MYO1D: variants seen among roughly 807,000 people sequenced by gnomAD.
MYO1D encodes the protein myosin ID, also known as unconventional myosin-Id.
MYO1D carries 83 observed loss-of-function variants against 122.0 expected under a neutral mutation model. The ratio of observed to expected loss-of-function variants is 0.68; its 90% CI spans 0.57 to 0.82. The LOEUF (loss-of-function observed/expected upper bound fraction) is 0.82, where lower values mean the gene tolerates loss of function less well. Among genes scored for constraint, MYO1D ranks in the 40% least tolerant of loss-of-function variants. MYO1D has a pLI of 0.00. For missense variants in MYO1D, 1,157 were observed against 1,269.5 expected (o/e 0.91, Z 1.35); for synonymous variants, 464 against 446.9 (o/e 1.04, Z -0.48).
At chr17:32,552,090 C>T (rs562171913) in intron 21 of MYO1D, among the ~76,000 whole-genome samples, 78 of 152,188 alleles carry the variant, frequency 5.1e-4, no homozygotes, top group African/African-American at 1.8e-3. Flanking sequence ...TGTTTTGTTT[C>T]GTTTGGACAG....
chr17:32,678,593 A>C (rs959707243), intron 16 of MYO1D, among the ~76,000 whole-genome samples: 8 of 151,324 alleles, frequency 5.3e-5, no homozygotes, highest in Non-Finnish European at 1.2e-4. Flanking sequence ...TGAACTCATC[A>C]TTTTTTATGG....
At chr17:32,686,386 A>G (rs1169048784) in intron 16 of MYO1D, 1 of 152,206 alleles carries the variant, frequency 6.6e-6, no homozygotes, top group African/African-American at 2.4e-5. Flanking sequence ...TTTGGAAGAA[A>G]TGTGGTCCTG....
At chr17:32,711,652 GA>G (rs112201977) in intron 16 of MYO1D, among the ~76,000 whole-genome samples, 117 of 151,454 alleles carry the variant, frequency 7.7e-4, no homozygotes, top group East Asian at 3.1e-3. Context: ...TCTCGGGGGG[GA>G]AAAAAAAAGT....
At chr17:32,550,700 GA>G (rs2087006457) in intron 21 of MYO1D, among the ~76,000 whole-genome samples, 1 of 152,156 alleles carries the variant, frequency 6.6e-6, no homozygotes. Context: ...ATAGAAATAG[GA>G]GTAATAAAAG....
intron 1 of MYO1D, among the ~76,000 whole-genome samples, chr17:32,876,274 G>GA (rs199952868): frequency 1.7e-3 from 244 of 147,772 alleles, no homozygotes; most frequent in African/African-American, 5.6e-3. Context: ...ACGCCAGGAG[G>GA]AAAAAAAAAA....
chr17:32,705,296 G>A (rs2089292501), intron 16 of MYO1D, among the ~76,000 whole-genome samples: 1 of 151,878 alleles, frequency 6.6e-6, no homozygotes, highest in Non-Finnish European at 1.5e-5. Flanking sequence ...GTCTCACTCT[G>A]TCCCCCAGGC....
chr17:32,777,859 G>A (rs1450489793), intron 3 of MYO1D, among the ~76,000 whole-genome samples: 1 of 152,128 alleles, frequency 6.6e-6, no homozygotes, highest in Non-Finnish European at 1.5e-5. Context: ...GCATGAACCC[G>A]GGAGGCGGAG....
intron 16 of MYO1D, among the ~76,000 whole-genome samples, chr17:32,677,682 G>A (rs1465121474): frequency 1.3e-5 from 2 of 150,024 alleles, no homozygotes; most frequent in Admixed American, 6.7e-5. Flanking sequence ...GATGAAAAGG[G>A]CATACGGTAT....
intron 11 of MYO1D, among the ~76,000 whole-genome samples, chr17:32,754,200 T>C (rs1055054494): frequency 1.3e-5 from 2 of 152,210 alleles, no homozygotes; most frequent in Admixed American, 6.5e-5. Context: ...CCCTCAAAGA[T>C]AGGACATTTG....
intron 1 of MYO1D, among the ~76,000 whole-genome samples, chr17:32,796,586 T>C (rs1820203339): frequency 6.6e-6 from 1 of 152,142 alleles, no homozygotes; most frequent in South Asian, 2.1e-4. Flanking sequence ...CTAATTTTTG[T>C]ATTTCTTGTA....
At chr17:32,532,641 G>A (rs976532274) in intron 21 of MYO1D, among the ~76,000 whole-genome samples, 1 of 151,652 alleles carries the variant, frequency 6.6e-6, no homozygotes, top group African/African-American at 2.4e-5. Flanking sequence ...CAGGAGAATG[G>A]CGTGAACCTG....
intron 14 of MYO1D, among the ~76,000 whole-genome samples, chr17:32,732,995 C>T (rs2089658375): frequency 6.6e-6 from 1 of 152,208 alleles, no homozygotes; most frequent in South Asian, 2.1e-4. Context: ...TCACAGGGAA[C>T]CAGTGTCTGT....
chr17:32,813,152 T>C (rs930933370), intron 1 of MYO1D, among the ~76,000 whole-genome samples: 3 of 152,208 alleles, frequency 2.0e-5, no homozygotes, highest in Non-Finnish European at 4.4e-5. Context: ...TATCCTCAAA[T>C]ATCACTCTAC....
At chr17:32,624,776 T>A (rs1018392648) in intron 20 of MYO1D, among the ~76,000 whole-genome samples, 1 of 150,866 alleles carries the variant, frequency 6.6e-6, no homozygotes, top group African/African-American at 2.4e-5. Context: ...CTTGTTTTCC[T>A]TTTTTGTATC....
intron 16 of MYO1D, among the ~76,000 whole-genome samples, chr17:32,672,540 C>T (rs1317224721): frequency 1.3e-5 from 2 of 152,080 alleles, no homozygotes; most frequent in Non-Finnish European, 2.9e-5. Context: ...GGCTAGAGTG[C>T]AGTGGTGTGA....
chr17:32,591,285 T>C (rs1213507163), intron 21 of MYO1D, among the ~76,000 whole-genome samples: 1 of 152,262 alleles, frequency 6.6e-6, no homozygotes, highest in African/African-American at 2.4e-5. Context: ...CTCTCTGTAC[T>C]CTTTTGTGTA....
chr17:32,786,702 C>T (rs2090297970), intron 1 of MYO1D, among the ~76,000 whole-genome samples: 1 of 152,120 alleles, frequency 6.6e-6, no homozygotes, highest in Non-Finnish European at 1.5e-5. Flanking sequence ...TACCTGTAAT[C>T]CCAACTACTT....
intron 1 of MYO1D, among the ~76,000 whole-genome samples, chr17:32,797,132 G>A (rs913305676): frequency 4.6e-5 from 7 of 152,084 alleles, no homozygotes; most frequent in East Asian, 3.9e-4. Context: ...CACCACACTC[G>A]GCTAATTTTT....
At chr17:32,835,212 C>T (rs939514132) in intron 1 of MYO1D, among the ~76,000 whole-genome samples, 14 of 150,632 alleles carry the variant, frequency 9.3e-5, no homozygotes, top group Non-Finnish European at 1.5e-5. Context: ...AGATACCATA[C>T]CCTGCCTGGC....
Sources: allele counts gnomAD v4.1 joint callset (sites outside exome capture counted in the v4.1 genomes callset), GRCh38; gene constraint gnomAD v4.1.1; transcripts MANE v1.5; gene names NCBI Gene and HGNC (gene_info 2026-07-23, HGNC 2026-07-21).